Variants in CALD1 observed in about 807,000 individuals in gnomAD.
CALD1 encodes caldesmon.
In CALD1, 33 loss-of-function variants were observed where a neutral mutation model predicts 99.9. The observed-to-expected ratio is 0.33, with a 90% CI of 0.25 to 0.44. CALD1 has a LOEUF of 0.44. Ranked by LOEUF, CALD1 falls within the 20% of genes least tolerant of loss-of-function variation. The pLI is 1.00. For missense variants in CALD1, 861 were observed against 962.1 expected (o/e 0.89, Z 1.39); for synonymous variants, 310 against 325.0 (o/e 0.95, Z 0.50).
chr7:134,711,724 G>C, the CALD1 span, among the ~76,000 whole-genome samples: 7,958 of 91,798 alleles, frequency 0.087, 508 homozygotes, highest in South Asian at 0.23. Flanking sequence ...GTGTGTGTGT[G>C]TGTCTCTCTC....
At chr7:134,835,007 T>G (rs946795704) in intron 1 of CALD1, among the ~76,000 whole-genome samples, 4 of 152,128 alleles carry the variant, frequency 2.6e-5, no homozygotes, top group African/African-American at 9.7e-5. Flanking sequence ...ACAGAGTGAG[T>G]GTGATATTTT....
intron 3 of CALD1, among the ~76,000 whole-genome samples, chr7:134,882,396 C>G (rs565126763): frequency 6.6e-6 from 1 of 152,084 alleles, no homozygotes; most frequent in East Asian, 1.9e-4. Flanking sequence ...GAATTTTGAC[C>G]ACTTATGCTT....
intron 1 of CALD1, among the ~76,000 whole-genome samples, chr7:134,757,846 T>TC (rs1796742686): frequency 6.6e-6 from 1 of 151,588 alleles, no homozygotes; most frequent in Non-Finnish European, 1.5e-5. Flanking sequence ...ACCACTGCAC[T>TC]CCAGCCTGGG....
At chr7:134,739,693 A>G (rs946748456), upstream of CALD1, among the ~76,000 whole-genome samples, 1 of 152,134 alleles carries the variant, frequency 6.6e-6, no homozygotes, top group Non-Finnish European at 1.5e-5. Context: ...AGAAGAAATT[A>G]GATTTCCTTA....
chr7:134,733,069 A>G, the CALD1 span, among the ~76,000 whole-genome samples: 94,332 of 152,118 alleles, frequency 0.62, 29,742 homozygotes, highest in East Asian at 0.89. Context: ...GGGGCCTCCA[A>G]TAAATTACAC....
rs1189861749 is a variant in CALD1 at position 134,970,695 on chromosome 7, A to G, written c.*2350A>G. On this transcript the variant is annotated 3_prime_UTR_variant, in exon 15 of 15. Coordinates refer to ENST00000361675, the MANE Select transcript of CALD1 (RefSeq NM_033138.4). ...AATATTGATAGTGAGAGGTATGTCT[A>G]TTATAATAAAGATTATGGCACAGTA... is the stretch of plus-strand genomic sequence containing the variant. The G allele has an allele frequency of 1.3e-5, 2 of 152,452 alleles. No individual in the cohort carries two copies. The highest frequency in any genetic ancestry group is 4.1e-4 in the South Asian group (2 of 4,834). The allele number at this position is 152,452 out of a possible 1,614,324, so 9.4% of individuals were successfully genotyped here. A position where few individuals can be genotyped will look rare whatever the true frequency, so the allele number is the denominator to read the frequency against.
chr7:134,958,386 A>G (rs1807940128), intron 11 of CALD1, 96 bp downstream of exon 11: 2 of 958,302 alleles, frequency 2.1e-6, no homozygotes, highest in East Asian at 2.4e-5. Flanking sequence ...AATCAAGTCC[A>G]ATAGCCCCAG....
intron 1 of CALD1, among the ~76,000 whole-genome samples, chr7:134,751,529 G>A (rs994905080): frequency 1.3e-5 from 2 of 151,964 alleles, no homozygotes; most frequent in African/African-American, 4.8e-5. Flanking sequence ...TCCTTCCCTC[G>A]CCAAGAATAC....
At chr7:134,731,087 C>T in the CALD1 span, among the ~76,000 whole-genome samples, 3 of 152,118 alleles carry the variant, frequency 2.0e-5, no homozygotes, top group African/African-American at 7.2e-5. Flanking sequence ...TTTAGCCTCC[C>T]AACATCCAGC....
chr7:134,842,208 C>G (rs972051874), intron 1 of CALD1, among the ~76,000 whole-genome samples: 1 of 152,212 alleles, frequency 6.6e-6, no homozygotes, highest in East Asian at 1.9e-4. Context: ...ACCAAATACA[C>G]CCAGCATGGT....
At chr7:134,927,594 C>T (rs1009603139) in intron 3 of CALD1, among the ~76,000 whole-genome samples, 2 of 141,034 alleles carry the variant, frequency 1.4e-5, no homozygotes, top group African/African-American at 5.2e-5. Flanking sequence ...AATATATACA[C>T]ATGTGAAGTC....
At chr7:134,843,020 G>A (rs1031953750) in intron 1 of CALD1, among the ~76,000 whole-genome samples, 1 of 152,166 alleles carries the variant, frequency 6.6e-6, no homozygotes, top group Non-Finnish European at 1.5e-5. Flanking sequence ...CTAGTGCCTG[G>A]CTGTTTGCCA....
chr7:134,891,388 C>G lies in CALD1; in HGVS notation c.71+23584C>G, dbSNP rs1802155886. 6.3e-6 allele frequency: 8 copies of G among 1,260,692 alleles called. No homozygotes were observed. In the Admixed American group the frequency reaches 1.9e-4, roughly 29 times the overall value. The allele number at this position is 1,260,692 out of a possible 1,614,324, so 78.1% of individuals were successfully genotyped here. On this transcript the variant is annotated intron_variant, in intron 3 of 14. Transcript: ENST00000361675. ...AATAACAATCAGCTCTCTGATGATC[C>G]TGTGAGGAGGGAACGGGTTGGGAGG...
chr7:134,920,260 A>G (rs1804513881), intron 3 of CALD1, among the ~76,000 whole-genome samples: 1 of 125,646 alleles, frequency 8.0e-6, no homozygotes, highest in Admixed American at 8.6e-5. Flanking sequence ...ATTTCATGCT[A>G]TGAAATAAAA....
chr7:134,853,868 C>T, intron 2 of CALD1, among the ~76,000 whole-genome samples: 1 of 38,712 alleles, frequency 2.6e-5, no homozygotes. Context: ...AGCCCCCCAC[C>T]CCCACCCCGA....
chr7:134,778,014 T>C (rs1295903522), upstream of CALD1, among the ~76,000 whole-genome samples: 1 of 152,198 alleles, frequency 6.6e-6, no homozygotes, highest in African/African-American at 2.4e-5. Context: ...AATGCAACAT[T>C]GACTGTATGA....
chr7:134,723,380 C>T, the CALD1 span, among the ~76,000 whole-genome samples: 3 of 152,034 alleles, frequency 2.0e-5, no homozygotes, highest in Non-Finnish European at 4.4e-5. Flanking sequence ...GTCCTCTTGT[C>T]CTGACATTAA....
intron 2 of CALD1, among the ~76,000 whole-genome samples, chr7:134,847,090 C>T (rs1398382655): frequency 6.6e-6 from 1 of 152,118 alleles, no homozygotes; most frequent in Non-Finnish European, 1.5e-5. Flanking sequence ...TTCCTATGAG[C>T]ACGTAAAAGA....
At chr7:134,934,313 G>A (rs1805784674) in intron 5 of CALD1, among the ~76,000 whole-genome samples, 1 of 152,198 alleles carries the variant, frequency 6.6e-6, no homozygotes, top group South Asian at 2.1e-4. Context: ...CCAGAAGACA[G>A]AGAGAAATTA....
Sources: gnomAD v4.1 joint callset for allele counts (sites outside exome capture counted in the v4.1 genomes callset) on GRCh38, gnomAD v4.1.1 for gene constraint, MANE v1.5 for transcripts, NCBI Gene and HGNC (gene_info 2026-07-23, HGNC 2026-07-21) for gene names.